PCDHA5: variants seen among roughly 807,000 people sequenced by gnomAD.
PCDHA5 encodes protocadherin alpha 5.
In PCDHA5, 43 loss-of-function variants were observed where a neutral mutation model predicts 61.6. The observed-to-expected ratio is 0.70, with a 90% CI of 0.55 to 0.90. The LOEUF (loss-of-function observed/expected upper bound fraction) is 0.90, where lower values mean the gene tolerates loss of function less well. Among genes scored for constraint, PCDHA5 ranks in the 40% least tolerant of loss-of-function variants. PCDHA5 has a pLI of 0.00. For synonymous variants in PCDHA5, 627 were observed against 543.9 expected, an observed-to-expected ratio of 1.15 and a Z score of -2.13; for missense variants, 1,298 against 1,222.7, an observed-to-expected ratio of 1.06 and a Z score of -0.92.
Position 140,967,485 on chromosome 5 carries a change from C to T in PCDHA5, c.2353-11464C>T, listed in dbSNP as rs781948599. 7 of 1,613,056 alleles carry T rather than the reference C, an allele frequency of 4.3e-6. No individual in the cohort carries two copies. The South Asian group carries it at 5.5e-5, about 13-fold the overall frequency. On this transcript the variant is annotated intron_variant, in intron 1 of 3. Coordinates refer to ENST00000529859, the MANE Select transcript of PCDHA5 (RefSeq NM_018908.3). ...GGGGGCATCCCAGCCCGCTCGGGTA[C>T]GGCACAGATCTCTGTGCGTGTCCTG...
chr5:140,875,485 G>A (rs367652529), intron 1 of PCDHA5: 13 of 1,611,424 alleles, frequency 8.1e-6, no homozygotes, highest in African/African-American at 1.3e-5. Context: ...GGTGATTATC[G>A]GACCAAGAGG....
rs547166699 is a variant in PCDHA5 at position 140,982,068 on chromosome 5, TTAGAG to T, written c.2412-401_2412-397del. On this transcript the variant is annotated intron_variant, in intron 2 of 3. Transcript: ENST00000529859. ...AAAATATTTTAGTGTGTTTTCTTCT[TTAGAG>T]TAGAGAACCTAGGAACAAGAGAACC... 3.5e-3 allele frequency among the ~76,000 whole-genome samples: 532 copies of T among 152,340 alleles called. 2 individuals carry two copies. Among genetic ancestry groups the T allele is most frequent in the Non-Finnish European group, 5.4e-3 (369 of 68,028 alleles).
intron 1 of PCDHA5, among the ~76,000 whole-genome samples, chr5:140,964,058 A>C (rs147228403): frequency 1.4e-3 from 207 of 152,356 alleles, no homozygotes; most frequent in Admixed American, 4.3e-3. Flanking sequence ...TGGTGTGGTC[A>C]AGGCATTAGT....
At chr5:140,954,367 C>T (rs246024) in intron 1 of PCDHA5, among the ~76,000 whole-genome samples, 85,692 of 152,060 alleles carry the variant, frequency 0.56, 24,769 homozygotes, top group African/African-American at 0.69. Context: ...CACACAGTCT[C>T]CCACAATGAG....
At chr5:140,829,500 C>T (rs2150168972) in intron 1 of PCDHA5, 8 of 1,613,600 alleles carry the variant, frequency 5.0e-6, no homozygotes, top group South Asian at 4.4e-5. Context: ...AACAACCCGC[C>T]GGGCTGCCAC....
chr5:140,875,394 G>T, intron 1 of PCDHA5: 1 of 1,476,976 alleles, frequency 6.8e-7, no homozygotes, highest in South Asian at 1.4e-5. Context: ...TACAGAAAAG[G>T]GTGACTGCTC....
chr5:140,878,125 A>T (rs1286133298), intron 1 of PCDHA5: 1 of 214,326 alleles, frequency 4.7e-6, no homozygotes, highest in Non-Finnish European at 9.0e-6. Flanking sequence ...ATATTAGATT[A>T]AAAAGTGGCC....
chr5:140,910,324 T>C (rs2074979860), intron 1 of PCDHA5, among the ~76,000 whole-genome samples: 3 of 152,220 alleles, frequency 2.0e-5, no homozygotes, highest in Non-Finnish European at 4.4e-5. Flanking sequence ...AGTCAGACTA[T>C]TGTGATTGCT....
At chr5:140,838,881 C>T (rs2150293311) in intron 1 of PCDHA5, among the ~76,000 whole-genome samples, 1,566 of 151,954 alleles carry the variant, frequency 0.01, 49 homozygotes, top group African/African-American at 0.036. Flanking sequence ...TGCCACTGAA[C>T]TCCAGCCTAG....
intron 1 of PCDHA5, chr5:140,843,106 C>T: frequency 1.9e-6 from 3 of 1,595,704 alleles, no homozygotes; most frequent in Non-Finnish European, 2.6e-6. Context: ...CGAAGGTGCG[C>T]GCAGTGGACG....
intron 1 of PCDHA5, among the ~76,000 whole-genome samples, chr5:140,960,030 C>T (rs75063622): frequency 0.012 from 1,781 of 152,150 alleles, 34 homozygotes; most frequent in African/African-American, 0.039. Flanking sequence ...TTGTTAAGTC[C>T]GGCTGTTTAT....
intron 1 of PCDHA5, among the ~76,000 whole-genome samples, chr5:140,840,153 G>A (rs1284552041): frequency 6.6e-6 from 1 of 152,018 alleles, no homozygotes; most frequent in Non-Finnish European, 1.5e-5. Context: ...CACGTGAAAG[G>A]AGAGATGGGA....
chr5:140,927,068 C>T, intron 1 of PCDHA5: 1 of 1,611,218 alleles, frequency 6.2e-7, no homozygotes, highest in Non-Finnish European at 8.5e-7. Context: ...CGCTTCCTTT[C>T]CAGCCACCGC....
intron 1 of PCDHA5, chr5:140,834,744 G>A (rs1554134479): frequency 2.5e-6 from 4 of 1,614,214 alleles, no homozygotes; most frequent in Non-Finnish European, 3.4e-6. Flanking sequence ...CCATGTGGAC[G>A]TGGAGGTGAA....
chr5:140,842,750 G>A, intron 1 of PCDHA5: 1 of 1,595,036 alleles, frequency 6.3e-7, no homozygotes, highest in Non-Finnish European at 8.6e-7. Context: ...CATCTTCACG[G>A]TGTCTGCGCG....
chr5:140,954,610 A>T (rs1464657596), intron 1 of PCDHA5, among the ~76,000 whole-genome samples: 1 of 151,962 alleles, frequency 6.6e-6, no homozygotes, highest in East Asian at 1.9e-4. Flanking sequence ...CCACTTTTTA[A>T]TGGGCTTGTT....
At position 140,845,853 on chromosome 5, in the gene PCDHA5, A is replaced by G. The variant is rs2150381879; in HGVS notation, c.2352+21726A>G. 1.3e-5 allele frequency among the ~76,000 whole-genome samples: 2 copies of G among 149,864 alleles called. 1 individual carries two copies. Among genetic ancestry groups the G allele is most frequent in the Non-Finnish European group, 3.0e-5 (2 of 66,956 alleles). ...TACCATTCTTAAGAGAAAAGAAGTT[A>G]GTGATTGCAGAAAGGCAACCTAAAA... On this transcript the variant is annotated intron_variant, in intron 1 of 3. Coordinates refer to ENST00000529859, the MANE Select transcript of PCDHA5 (RefSeq NM_018908.3).
rs144848413 is a variant in PCDHA5 at position 140,843,473 on chromosome 5, T to C, written c.2352+19346T>C. 4.9e-4 allele frequency: 775 copies of C among 1,595,974 alleles called. 42 individuals carry two copies. The African/African-American group carries it at 8.9e-3, about 18-fold the overall frequency. On this transcript the variant is annotated intron_variant, in intron 1 of 3. Coordinates refer to ENST00000529859, the MANE Select transcript of PCDHA5 (RefSeq NM_018908.3). ...CCTGCTGGTGCTCACGCTGCTGCTG[T>C]ACACTGCGCTGCGGTGCTCAGCACT...
intron 1 of PCDHA5, chr5:140,829,475 G>A: frequency 4.3e-6 from 7 of 1,613,854 alleles, no homozygotes; most frequent in Non-Finnish European, 5.9e-6. Context: ...CGAGTACACA[G>A]TGTTCGTGAA....
Sources: allele counts gnomAD v4.1 joint callset (sites outside exome capture counted in the v4.1 genomes callset), GRCh38; gene constraint gnomAD v4.1.1; transcripts MANE v1.5; gene names NCBI Gene and HGNC (gene_info 2026-07-23, HGNC 2026-07-21).